RBFOX1: variants seen among roughly 807,000 people sequenced by gnomAD.
The protein encoded by RBFOX1 is RNA binding fox-1 homolog 1.
A neutral mutation model predicts 57.7 loss-of-function variants in RBFOX1; 8 were observed. The ratio of observed to expected loss-of-function variants is 0.14; its 90% CI spans 0.08 to 0.25. The LOEUF (loss-of-function observed/expected upper bound fraction) is 0.25, where lower values mean the gene tolerates loss of function less well. Among genes scored for constraint, RBFOX1 ranks in the 10% least tolerant of loss-of-function variants. The probability of loss-of-function intolerance (pLI) is 1.00; values close to 1 mark genes in which losing one functional copy is unlikely to be tolerated. For missense variants in RBFOX1, 611 were observed against 548.5 expected, an observed-to-expected ratio of 1.11 and a Z score of -1.14; for synonymous variants, 326 against 222.4, an observed-to-expected ratio of 1.47 and a Z score of -4.15.
chr16:7,470,017 GT>G (rs35706487), intron 4 of RBFOX1, among the ~76,000 whole-genome samples: 48,243 of 143,162 alleles, frequency 0.34, 8,715 homozygotes, highest in Non-Finnish European at 0.44. Flanking sequence ...GCATGGGTCA[GT>G]TTTTTTTTTT....
chr16:7,526,450 C>T (rs1405066768), intron 5 of RBFOX1, among the ~76,000 whole-genome samples: 1 of 152,198 alleles, frequency 6.6e-6, no homozygotes, highest in African/African-American at 2.4e-5. Context: ...CATTGAACCT[C>T]TCTGCTCTTA....
At chr16:6,149,503 C>T (rs545567613) in intron 1 of RBFOX1, among the ~76,000 whole-genome samples, 39 of 152,322 alleles carry the variant, frequency 2.6e-4, no homozygotes, top group African/African-American at 9.1e-4. Flanking sequence ...CATGCATTTT[C>T]ATTTTTACAT....
At position 6,548,762 on chromosome 16, in the gene RBFOX1, C is replaced by T. The variant is rs184675463; in HGVS notation, c.-63-105841C>T. Among the ~76,000 whole-genome samples the T allele has an allele frequency of 2.6e-4, 39 of 152,176 alleles. No homozygotes were observed. The East Asian group carries it at 6.7e-3, about 26-fold the overall frequency. Reference sequence around the variant, plus strand: ...GGTACCAGGCATCGTTAGGTTTCTTCCACACGTAGTCTTCGAGAAGTTAGC... The same window carrying T: ...GGTACCAGGCATCGTTAGGTTTCTTTCACACGTAGTCTTCGAGAAGTTAGC... On this transcript the variant is annotated intron_variant, in intron 2 of 15. Transcript: ENST00000550418.
intron 4 of RBFOX1, among the ~76,000 whole-genome samples, chr16:7,373,073 A>G (rs767337300): frequency 1.3e-5 from 2 of 151,854 alleles, no homozygotes; most frequent in Non-Finnish European, 2.9e-5. Context: ...CTGGGACTAC[A>G]GGTGCCTGCC....
At chr16:7,146,594 C>G (rs919162048) in intron 4 of RBFOX1, among the ~76,000 whole-genome samples, 2 of 152,118 alleles carry the variant, frequency 1.3e-5, no homozygotes, top group African/African-American at 4.8e-5. Context: ...GAAGAATAAG[C>G]TTATGATACC....
At chr16:7,488,886 T>G (rs1404564281) in intron 4 of RBFOX1, among the ~76,000 whole-genome samples, 1 of 152,184 alleles carries the variant, frequency 6.6e-6, no homozygotes, top group Non-Finnish European at 1.5e-5. Context: ...CTACTGTCAT[T>G]TTATCATTAT....
chr16:6,049,477 C>A (rs1366224057), intron 1 of RBFOX1, among the ~76,000 whole-genome samples: 1 of 152,182 alleles, frequency 6.6e-6, no homozygotes, highest in African/African-American at 2.4e-5. Flanking sequence ...CTCTCCCTCT[C>A]TAGTCTCATG....
chr16:7,295,112 G>A (rs927929536), intron 4 of RBFOX1, among the ~76,000 whole-genome samples: 2 of 152,200 alleles, frequency 1.3e-5, no homozygotes, highest in African/African-American at 4.8e-5. Flanking sequence ...TGTTGTGTGA[G>A]ATACAGTTGG....
chr16:6,628,021 A>G (rs959798510), intron 2 of RBFOX1, among the ~76,000 whole-genome samples: 11 of 152,248 alleles, frequency 7.2e-5, no homozygotes, highest in Middle Eastern at 3.2e-3. Flanking sequence ...AATGTCTCCA[A>G]GTGTGCAAAG....
At chr16:5,243,590 C>T (rs1451391913) in intron 1 of RBFOX1, among the ~76,000 whole-genome samples, 1 of 152,160 alleles carries the variant, frequency 6.6e-6, no homozygotes, top group African/African-American at 2.4e-5. Flanking sequence ...CCAGCTATGG[C>T]TACCCCAGAT....
At chr16:6,478,456 A>G (rs866835967) in intron 2 of RBFOX1, among the ~76,000 whole-genome samples, 88 of 58,138 alleles carry the variant, frequency 1.5e-3, no homozygotes, top group African/African-American at 4.4e-3. Flanking sequence ...TTGTATTTTT[A>G]GTAGAGACAG....
intron 2 of RBFOX1, among the ~76,000 whole-genome samples, chr16:6,591,733 T>C (rs1351711502): frequency 6.6e-6 from 1 of 152,194 alleles, no homozygotes; most frequent in South Asian, 2.1e-4. Flanking sequence ...TTATATTTAA[T>C]TGGAAAATTG....
intron 3 of RBFOX1, among the ~76,000 whole-genome samples, chr16:6,809,048 T>C (rs1489938668): frequency 6.6e-6 from 1 of 152,172 alleles, no homozygotes; most frequent in Non-Finnish European, 1.5e-5. Context: ...AGTTGAGTCT[T>C]GGCCAATCCC....
intron 14 of RBFOX1, among the ~76,000 whole-genome samples, chr16:7,690,641 G>A (rs913036427): frequency 1.3e-5 from 2 of 150,030 alleles, no homozygotes; most frequent in African/African-American, 4.9e-5. Context: ...CAGCCCCACT[G>A]TCCAGAATAT....
In RBFOX1 at chr16:5,527,649, G is replaced by T. The variant is rs118054580; in HGVS notation, c.258+60395G>T. On this transcript the variant is annotated intron_variant, in intron 2 of 2. Coordinates refer to the RBFOX1 transcript ENST00000585867. ...CCCTGTCTTCCCATTGGAGGGCAGG[G>T]TTTAGGATGGTTTTTTGGGTTTTGT... is the stretch of plus-strand genomic sequence containing the variant. 4.4e-3 allele frequency among the ~76,000 whole-genome samples: 665 copies of T among 152,270 alleles called. 2 individuals carry two copies. Among genetic ancestry groups the T allele is most frequent in the Non-Finnish European group, 7.1e-3 (481 of 68,028 alleles).
rs977039404 is a variant in RBFOX1, at chr16:6,315,480, G to C, written c.-126-1515G>C. 6.6e-5 allele frequency among the ~76,000 whole-genome samples: 10 copies of C among 151,136 alleles called. 1 individual carries two copies. Among genetic ancestry groups the C allele is most frequent in the African/African-American group, 2.4e-4 (10 of 41,122 alleles). ...CGGTGGATGGGTGGATGGGTGGGTGGATGGGTAGGTAGATAGGTGGATGGA... is the reference window on the plus strand; with the variant it reads ...CGGTGGATGGGTGGATGGGTGGGTGCATGGGTAGGTAGATAGGTGGATGGA... On this transcript the variant is annotated intron_variant, in intron 1 of 15. Coordinates refer to ENST00000550418, the MANE Select transcript of RBFOX1 (RefSeq NM_018723.4).
chr16:6,584,821 C>T (rs865857224), intron 2 of RBFOX1, among the ~76,000 whole-genome samples: 5 of 152,162 alleles, frequency 3.3e-5, no homozygotes, highest in African/African-American at 7.2e-5. Context: ...GATGGTTTTG[C>T]CAGCAGCCTC....
chr16:6,707,360 T>C (rs1407896320), intron 3 of RBFOX1, among the ~76,000 whole-genome samples: 2 of 152,190 alleles, frequency 1.3e-5, no homozygotes, highest in Non-Finnish European at 2.9e-5. Context: ...TCAAAGTCTT[T>C]GTTTACATGT....
At chr16:6,821,893 C>G (rs1191945826) in intron 3 of RBFOX1, among the ~76,000 whole-genome samples, 1 of 152,144 alleles carries the variant, frequency 6.6e-6, no homozygotes, top group East Asian at 1.9e-4. Flanking sequence ...CATGAAATTG[C>G]TAGGTCATAT....
Sources: gnomAD v4.1 joint callset for allele counts (sites outside exome capture counted in the v4.1 genomes callset) on GRCh38, gnomAD v4.1.1 for gene constraint, MANE v1.5 for transcripts, NCBI Gene and HGNC (gene_info 2026-07-23, HGNC 2026-07-21) for gene names.